Variants in DCAF13 observed in about 807,000 individuals in gnomAD.
DCAF13 encodes DDB1- and CUL4-associated factor 13.
In DCAF13, 38 loss-of-function variants were observed where a neutral mutation model predicts 59.0. That is an observed-to-expected ratio of 0.64 (90% CI 0.50 to 0.84). The LOEUF (loss-of-function observed/expected upper bound fraction) is 0.84. Ranked by LOEUF, DCAF13 falls within the 40% of genes least tolerant of loss-of-function variation. The probability of loss-of-function intolerance (pLI) is 0.00; values close to 1 mark genes in which losing one functional copy is unlikely to be tolerated. For synonymous variants in DCAF13, 173 were observed against 175.0 expected (o/e 0.99, Z 0.09); for missense variants, 469 against 558.4 (o/e 0.84, Z 1.61).
chr8:103,428,365 T>C (rs1816820534), intron 5 of DCAF13: 1 of 152,232 alleles, frequency 6.6e-6, no homozygotes, highest in South Asian at 2.1e-4. Context: ...AAGACAGCCA[T>C]GTTCTCTTGC....
At chr8:103,426,428 A>G (rs1451876348) in intron 4 of DCAF13, among the ~76,000 whole-genome samples, 1 of 151,918 alleles carries the variant, frequency 6.6e-6, no homozygotes, top group East Asian at 1.9e-4. Context: ...AAGACCACGG[A>G]GAAAAAGATA....
At chr8:103,416,517 C>T (rs894071088) in intron 1 of DCAF13, among the ~76,000 whole-genome samples, 7 of 152,060 alleles carry the variant, frequency 4.6e-5, no homozygotes, top group African/African-American at 1.7e-4. Context: ...TTTTTAAGGC[C>T]TCCTGTGGCA....
rs1159489554 is a variant in DCAF13, at chr8:103,418,866, ATTT to A, written c.71-1365_71-1363del. Among the ~76,000 whole-genome samples, 40 of 38,376 alleles carry A rather than the reference ATTT, an allele frequency of 1.0e-3. 1 individual carries two copies. The highest frequency in any genetic ancestry group is 2.5e-3 in the African/African-American group (25 of 10,114). The allele number at this position is 38,376 out of a possible 152,430, so 25.2% of individuals were successfully genotyped here. ...TATATATATATATATATATATATAT[ATTT>A]TTTTTTTTTTTTTTTTTTTTTTTTT... is the stretch of plus-strand genomic sequence containing the variant. On this transcript the variant is annotated intron_variant, in intron 1 of 10. Coordinates refer to ENST00000612750, the MANE Select transcript of DCAF13 (RefSeq NM_015420.7).
intron 8 of DCAF13, among the ~76,000 whole-genome samples, chr8:103,437,923 CTG>C (rs1012408347): frequency 1.8e-4 from 27 of 152,158 alleles, no homozygotes; most frequent in African/African-American, 5.8e-4. Context: ...ATTAGTGTGA[CTG>C]TGTATATAAA....
intron 7 of DCAF13, 127 bp from the exon 8 acceptor site, chr8:103,435,499 A>G: frequency 1.4e-6 from 1 of 690,748 alleles, no homozygotes; most frequent in Middle Eastern, 4.3e-4. Context: ...GCTTGTGTAC[A>G]GCATTGAGCT....
intron 1 of DCAF13, 131 bp downstream of exon 1, chr8:103,415,647 C>A (rs1816599572): frequency 1.2e-6 from 1 of 866,832 alleles, no homozygotes; most frequent in Non-Finnish European, 1.7e-6. Flanking sequence ...TTCGCTAAGG[C>A]AAACTTTGTG....
chr8:103,440,337 T>C (rs902076693), intron 9 of DCAF13, 66 bp downstream of exon 9: 2 of 1,389,658 alleles, frequency 1.4e-6, no homozygotes, highest in African/African-American at 1.5e-5. Flanking sequence ...TATTACATTA[T>C]GAAAATTTAC....
At chr8:103,437,736 A>T (rs1816951277) in intron 8 of DCAF13, among the ~76,000 whole-genome samples, 1 of 152,140 alleles carries the variant, frequency 6.6e-6, no homozygotes, top group South Asian at 2.1e-4. Context: ...ATCTGTATTT[A>T]AAAAATATTT....
Position 103,435,623 on chromosome 8 carries a change from C to G in DCAF13, c.786-3C>G. Reference sequence around the variant, plus strand: ...TGTCAAATATTTAAAAATTCTTTTACAGCTTATATACTTTTGATATGCGTG... The same window carrying G: ...TGTCAAATATTTAAAAATTCTTTTAGAGCTTATATACTTTTGATATGCGTG... On this transcript the variant is annotated splice_polypyrimidine_tract_variant and splice_region_variant and intron_variant, in intron 7 of 10. Coordinates refer to ENST00000612750, the MANE Select transcript of DCAF13 (RefSeq NM_015420.7). The G allele has an allele frequency of 6.6e-7, 1 of 1,517,744 alleles. No homozygotes were observed. Among genetic ancestry groups the G allele is most frequent in the Admixed American group, 2.2e-5 (1 of 45,558 alleles). 94.0% of individuals were successfully genotyped at this position (1,517,744 alleles called of 1,614,324 possible).
At chr8:103,420,093 A>G (rs1339882694) in intron 1 of DCAF13, among the ~76,000 whole-genome samples, 171 bp from the exon 2 acceptor site, 1 of 152,018 alleles carries the variant, frequency 6.6e-6, no homozygotes, top group African/African-American at 2.4e-5. Flanking sequence ...ATGATTTTCC[A>G]GTAATTTCAG....
intron 5 of DCAF13, chr8:103,427,880 A>C (rs1816815032): frequency 1.3e-5 from 2 of 152,176 alleles, no homozygotes; most frequent in Admixed American, 1.3e-4. Context: ...TAGCCCTTGG[A>C]CTCCAGATCT....
intron 10 of DCAF13, 183 bp downstream of exon 10, chr8:103,441,801 G>A (rs1200122682): frequency 9.1e-6 from 5 of 547,658 alleles, no homozygotes; most frequent in South Asian, 2.5e-5. Context: ...TTTTTGAGAC[G>A]GAGTCTCGCT....
At chr8:103,418,852 ATATATATATATATATTTT>A (rs1816670842) in intron 1 of DCAF13, among the ~76,000 whole-genome samples, 1 of 31,252 alleles carries the variant, frequency 3.2e-5, no homozygotes, top group Non-Finnish European at 5.8e-5. Flanking sequence ...ATATATATAT[ATATATATATATATATTTT>A]TTTTTTTTTT....
intron 5 of DCAF13, chr8:103,429,383 G>A (rs1363764073): frequency 3.9e-5 from 6 of 152,210 alleles, no homozygotes; most frequent in Non-Finnish European, 8.8e-5. Flanking sequence ...CGTACAGACA[G>A]TAGGAGGAGT....
intron 3 of DCAF13, among the ~76,000 whole-genome samples, chr8:103,422,828 G>T (rs1253834746): frequency 6.6e-6 from 1 of 152,178 alleles, no homozygotes; most frequent in East Asian, 1.9e-4. Context: ...CAGGTTGGCT[G>T]GGTGCAGAAG....
chr8:103,435,537 A>C (rs1816921096), intron 7 of DCAF13, 89 bp from the exon 8 acceptor site: 2 of 1,133,138 alleles, frequency 1.8e-6, no homozygotes, highest in African/African-American at 3.2e-5. Context: ...TTGTTTTGCA[A>C]ATGGTTCTTG....
At chr8:103,440,642 C>T (rs1259233042) in intron 9 of DCAF13, 1 of 155,086 alleles carries the variant, frequency 6.4e-6, no homozygotes, top group Non-Finnish European at 1.4e-5. Context: ...CATCCAGCAA[C>T]TCAAAGGCTG....
chr8:103,437,050 C>T (rs139175200), intron 8 of DCAF13, among the ~76,000 whole-genome samples: 5 of 152,300 alleles, frequency 3.3e-5, no homozygotes, highest in Non-Finnish European at 7.4e-5. Context: ...TAGAAGCATA[C>T]TGACAGGAGT....
intron 3 of DCAF13, 45 bp from the exon 4 acceptor site, chr8:103,426,011 A>C: frequency 1.5e-6 from 2 of 1,348,636 alleles, no homozygotes; most frequent in East Asian, 4.6e-5. Context: ...TTTAATTTAT[A>C]ACTGTTGTTC....
Sources: allele counts gnomAD v4.1 joint callset (sites outside exome capture counted in the v4.1 genomes callset), GRCh38; gene constraint gnomAD v4.1.1; transcripts MANE v1.5; gene names NCBI Gene and HGNC (gene_info 2026-07-23, HGNC 2026-07-21).